Variants in MGAT5 observed in about 807,000 individuals in gnomAD.
MGAT5 encodes alpha-1,6-mannosylglycoprotein 6-beta-N-acetylglucosaminyltransferase A.
Under a neutral mutation model 94.3 loss-of-function variants are expected in MGAT5, and 30 were observed. That is an observed-to-expected ratio of 0.32 (90% CI 0.24 to 0.43). The LOEUF is 0.43. Among genes scored for constraint, MGAT5 ranks in the 20% least tolerant of loss-of-function variants. The pLI, the probability that MGAT5 is intolerant of heterozygous loss-of-function variation, is 1.00. For missense variants in MGAT5, 691 were observed against 905.5 expected (o/e 0.76, Z 3.04); for synonymous variants, 310 against 322.9 (o/e 0.96, Z 0.43).
At chr2:134,330,628 CTTATGTAACTCCTTTAAAAA>C (rs1215882582) in intron 4 of MGAT5, among the ~76,000 whole-genome samples, 5 of 149,350 alleles carry the variant, frequency 3.3e-5, no homozygotes, top group South Asian at 4.2e-4. Flanking sequence ...TGATGGTATG[CTTATGTAACTCCTTTAAAAA>C]TTATTCTCTT....
At chr2:134,161,115 C>T (rs887323160) in intron 1 of MGAT5, among the ~76,000 whole-genome samples, 1 of 152,200 alleles carries the variant, frequency 6.6e-6, no homozygotes. Context: ...AGTGGTTGTG[C>T]GTTTGCAGCT....
chr2:134,430,621 C>G (rs1038245978), intron 14 of MGAT5, among the ~76,000 whole-genome samples: 3 of 152,262 alleles, frequency 2.0e-5, no homozygotes, highest in Non-Finnish European at 2.9e-5. Context: ...TACATGTTAC[C>G]AAAATTGTCT....
chr2:134,334,040 C>T (rs1285120205), intron 4 of MGAT5, among the ~76,000 whole-genome samples: 1 of 152,152 alleles, frequency 6.6e-6, no homozygotes, highest in East Asian at 1.9e-4. Context: ...AATTGATTTT[C>T]CCACCATTAC....
intron 11 of MGAT5, among the ~76,000 whole-genome samples, chr2:134,411,426 T>C (rs1047653259): frequency 6.6e-6 from 1 of 152,208 alleles, no homozygotes; most frequent in African/African-American, 2.4e-5. Flanking sequence ...CCCTGCCCTG[T>C]GGACATCTCT....
At chr2:134,403,201 A>C in intron 11 of MGAT5, 64 bp downstream of exon 11, 1 of 1,482,820 alleles carries the variant, frequency 6.7e-7, no homozygotes, top group South Asian at 1.3e-5. Context: ...TGGGATCAGA[A>C]TATTTCATGC....
chr2:134,338,166 A>G (rs1688435904), intron 5 of MGAT5, 93 bp from the exon 6 acceptor site: 3 of 1,056,176 alleles, frequency 2.8e-6, no homozygotes, highest in Non-Finnish European at 2.7e-6. Context: ...TTAATTGACT[A>G]ACCCTTTTAA....
At chr2:134,287,131 C>T (rs2105753176) in intron 2 of MGAT5, among the ~76,000 whole-genome samples, 1 of 152,310 alleles carries the variant, frequency 6.6e-6, no homozygotes, top group East Asian at 1.9e-4. Flanking sequence ...TACCCCTTCT[C>T]TCATATCACT....
chr2:134,387,328 A>ATTTT (rs1461083019), intron 10 of MGAT5, among the ~76,000 whole-genome samples: 47 of 40,266 alleles, frequency 1.2e-3, no homozygotes, highest in African/African-American at 5.9e-3. Flanking sequence ...ATATATATAT[A>ATTTT]TATATTTTTT....
At chr2:134,303,057 A>C (rs1209300031) in intron 2 of MGAT5, among the ~76,000 whole-genome samples, 7 of 152,004 alleles carry the variant, frequency 4.6e-5, no homozygotes, top group Admixed American at 4.6e-4. Context: ...CGTTTACACA[A>C]AGGTTCGCCT....
At chr2:134,335,440 T>C (rs1002943141) in intron 4 of MGAT5, among the ~76,000 whole-genome samples, 13 of 152,164 alleles carry the variant, frequency 8.5e-5, no homozygotes, top group Admixed American at 6.5e-4. Context: ...CTCATTTTTT[T>C]GCTAGAAATT....
At chr2:134,439,681 A>T (rs34117090) in intron 14 of MGAT5, among the ~76,000 whole-genome samples, 10,444 of 152,244 alleles carry the variant, frequency 0.069, 461 homozygotes, top group South Asian at 0.12. Context: ...TGGGCGACAG[A>T]ACAAGACTTC....
chr2:134,289,224 A>G (rs1461212318), intron 2 of MGAT5, among the ~76,000 whole-genome samples: 1 of 152,118 alleles, frequency 6.6e-6, no homozygotes, highest in East Asian at 1.9e-4. Flanking sequence ...GCTCGGCAGG[A>G]CTGCTCTTCT....
intron 2 of MGAT5, among the ~76,000 whole-genome samples, chr2:134,287,339 A>T (rs1335734932): frequency 6.6e-6 from 1 of 152,214 alleles, no homozygotes; most frequent in Non-Finnish European, 1.5e-5. Context: ...TTCTTCGCTC[A>T]TCTGTGAGGT....
chr2:134,432,779 C>G (rs960137688), intron 14 of MGAT5, among the ~76,000 whole-genome samples: 9 of 152,184 alleles, frequency 5.9e-5, no homozygotes, highest in Non-Finnish European at 1.5e-5. Flanking sequence ...ATAATGCAAC[C>G]TACCCATCAG....
chr2:134,207,952 A>C (rs1164243704), intron 1 of MGAT5, among the ~76,000 whole-genome samples: 1 of 152,214 alleles, frequency 6.6e-6, no homozygotes, highest in Non-Finnish European at 1.5e-5. Context: ...GCCAGTGGTC[A>C]CACCTGATTG....
chr2:134,221,630 C>T (rs1283858613), intron 1 of MGAT5, among the ~76,000 whole-genome samples: 1 of 152,084 alleles, frequency 6.6e-6, no homozygotes, highest in Non-Finnish European at 1.5e-5. Context: ...CTTTGCAGGA[C>T]GATTTCAAGG....
chr2:134,177,647 A>G (rs1028327871), intron 1 of MGAT5, among the ~76,000 whole-genome samples: 4 of 152,308 alleles, frequency 2.6e-5, no homozygotes, highest in East Asian at 3.9e-4. Context: ...TTATTAATCT[A>G]TTACGCCTGG....
At chr2:134,147,018 A>T (rs545292540) in intron 1 of MGAT5, among the ~76,000 whole-genome samples, 1 of 151,364 alleles carries the variant, frequency 6.6e-6, no homozygotes, top group Non-Finnish European at 1.5e-5. Flanking sequence ...TTGTTTAGTT[A>T]AAAAAAAACC....
chr2:134,332,056 A>G (rs989081754), intron 4 of MGAT5, among the ~76,000 whole-genome samples: 6 of 152,048 alleles, frequency 3.9e-5, no homozygotes, highest in African/African-American at 7.2e-5. Flanking sequence ...CAAGCTACCA[A>G]TGACTTTCTT....
Sources: allele counts gnomAD v4.1 joint callset (sites outside exome capture counted in the v4.1 genomes callset), GRCh38; gene constraint gnomAD v4.1.1; transcripts MANE v1.5; gene names NCBI Gene and HGNC (gene_info 2026-07-23, HGNC 2026-07-21).